The following TRAF2 variants were observed in gnomAD, a reference collection of about 807,000 sequenced individuals.
The protein encoded by TRAF2 is TNF receptor associated factor 2.
In TRAF2, 6 loss-of-function variants were observed where a neutral mutation model predicts 55.6. The ratio of observed to expected loss-of-function variants is 0.11; its 90% confidence interval spans 0.06 to 0.21. The LOEUF is 0.21. Among genes scored for constraint, TRAF2 ranks in the 10% least tolerant of loss-of-function variants. The pLI is 1.00. For missense variants in TRAF2, 561 were observed against 684.5 expected, an observed-to-expected ratio of 0.82 and a Z score of 2.01; for synonymous variants, 329 against 276.3, an observed-to-expected ratio of 1.19 and a Z score of -1.89.
At chr9:136,913,171 A>T (rs13301872) in intron 6 of TRAF2, among the ~76,000 whole-genome samples, 1 of 151,938 alleles carries the variant, frequency 6.6e-6, no homozygotes, top group Non-Finnish European at 1.5e-5. Flanking sequence ...AAAACCAGCA[A>T]CATGGCTTCT....
At chr9:136,882,588 C>T, upstream of TRAF2, 1 of 898,082 alleles carries the variant, frequency 1.1e-6, no homozygotes, top group Non-Finnish European at 1.3e-6. Flanking sequence ...GGGGCTTCTC[C>T]TGAGACTGCC....
chr9:136,903,774 C>T (rs1035139287), intron 4 of TRAF2, among the ~76,000 whole-genome samples: 2 of 152,070 alleles, frequency 1.3e-5, no homozygotes, highest in Non-Finnish European at 2.9e-5. Flanking sequence ...CTCCGCCTCC[C>T]GGGTTCACAC....
At chr9:136,902,368 G>A (rs1849841575) in intron 4 of TRAF2, 2 of 152,524 alleles carry the variant, frequency 1.3e-5, no homozygotes, top group African/African-American at 4.8e-5. Context: ...GCCACCCTTT[G>A]AGAGGACTGA....
Position 136,909,976 on chromosome 9 carries a change from G to C in TRAF2, c.585G>C (p.Lys195Asn). 1 of 1,614,058 alleles carries C rather than the reference G, an allele frequency of 6.2e-7. No homozygotes were observed. Among genetic ancestry groups the C allele is most frequent in the East Asian group, 2.2e-5 (1 of 44,880 alleles). ...TAACTTGTGACGGCTGCGGCAAGAA[G>C]AAGATCCCCCGGGAGAAGGTGAGTG... ...FPLTCDGCGKKKIPREKFQDH... is the reference protein window; with the variant it reads ...FPLTCDGCGKNKIPREKFQDH... Residue 195 changes from lysine (K) to asparagine (N), a missense_variant, in exon 6 of 11, where the codon AAG (lysine) becomes AAC (asparagine). By Grantham distance (94) the Lys-to-Asn change is moderately conservative. Around this residue, in one of 2 missense-constraint regions of TRAF2, gnomAD observed 426 missense variants for 476.8 expected, o/e 0.89. Coordinates refer to ENST00000247668, the MANE Select transcript of TRAF2 (RefSeq NM_021138.4).
At chr9:136,897,952 G>A (rs1277360873) in intron 1 of TRAF2, among the ~76,000 whole-genome samples, 2 of 139,432 alleles carry the variant, frequency 1.4e-5, no homozygotes, top group Non-Finnish European at 3.1e-5. Context: ...CTACGTTCCC[G>A]CTCTCGGGGC....
intron 1 of TRAF2, among the ~76,000 whole-genome samples, chr9:136,897,656 C>T (rs571184468): frequency 3.1e-5 from 4 of 128,984 alleles, no homozygotes; most frequent in South Asian, 2.6e-4. Flanking sequence ...GCTACGTTCC[C>T]GCTCTCGGGG....
At chr9:136,918,227 T>TTATATATATATATA (rs764701854) in intron 7 of TRAF2, among the ~76,000 whole-genome samples, 46 of 68,052 alleles carry the variant, frequency 6.8e-4, no homozygotes, top group African/African-American at 2.8e-3. Flanking sequence ...AGTGTTTTGT[T>TTATATATATATATA]TATATATATA....
intron 6 of TRAF2, among the ~76,000 whole-genome samples, chr9:136,913,265 G>A (rs1375654483): frequency 6.7e-6 from 1 of 149,516 alleles, no homozygotes; most frequent in Admixed American, 6.6e-5. Context: ...AAGATGTGGG[G>A]TCCACATACC....
intron 10 of TRAF2, among the ~76,000 whole-genome samples, chr9:136,924,276 C>T (rs952860491): frequency 5.9e-5 from 9 of 152,162 alleles, no homozygotes; most frequent in East Asian, 1.9e-4. Flanking sequence ...AGCACAAGGC[C>T]GAGTGGGCGG....
At chr9:136,918,254 T>TATATAC (rs1554781765) in intron 7 of TRAF2, among the ~76,000 whole-genome samples, 1 of 114,270 alleles carries the variant, frequency 8.8e-6, no homozygotes, top group East Asian at 2.2e-4. Flanking sequence ...TATATATATA[T>TATATAC]ATATTTATTT....
chr9:136,906,078 C>T (rs868140002), intron 4 of TRAF2, among the ~76,000 whole-genome samples: 16 of 152,204 alleles, frequency 1.1e-4, no homozygotes, highest in Middle Eastern at 3.4e-3. Context: ...CGCCACTGCA[C>T]GACAGAGCAA....
intron 1 of TRAF2, among the ~76,000 whole-genome samples, chr9:136,891,638 C>T (rs554048091): frequency 3.6e-4 from 54 of 151,944 alleles, no homozygotes; most frequent in Admixed American, 1.2e-3. Flanking sequence ...GGAGGAATGT[C>T]GATATGAAAA....
At chr9:136,924,920 G>C (rs1428776780) in intron 10 of TRAF2, among the ~76,000 whole-genome samples, 3 of 152,090 alleles carry the variant, frequency 2.0e-5, no homozygotes, top group Non-Finnish European at 4.4e-5. Flanking sequence ...TGTATTTTTA[G>C]TAGAGATGGG....
At chr9:136,921,441 T>C (rs1850382603) in intron 9 of TRAF2, among the ~76,000 whole-genome samples, 1 of 152,126 alleles carries the variant, frequency 6.6e-6, no homozygotes, top group Non-Finnish European at 1.5e-5. Context: ...TTGGGCCGGC[T>C]GCCCTCCTGC....
Position 136,920,235 on chromosome 9 carries a change from T to C in TRAF2, c.680T>C (p.Val227Ala). 6.2e-7 allele frequency: 1 copy of C among 1,606,036 alleles called. No individual in the cohort carries two copies. Among genetic ancestry groups the C allele is most frequent in the Non-Finnish European group, 8.5e-7 (1 of 1,176,090 alleles). ...AGCCTCCCTGCCCTGTGTCCGCAGG[T>C]AGAGGGTGAGAAACAGCAGGAGCAC... ...RFHAIGCLET[V>A]EGEKQQEHEV... is the part of the protein sequence containing the mutation. The change falls in exon 8 of 11, where the codon GTA becomes GCA. Residue 227 changes from valine to alanine, a missense_variant and splice_region_variant. By Grantham distance (64) the Val-to-Ala change is moderately conservative. Transcript: ENST00000247668.
intron 3 of TRAF2, among the ~76,000 whole-genome samples, chr9:136,899,963 C>A (rs550672011): frequency 1.3e-5 from 2 of 151,962 alleles, no homozygotes; most frequent in African/African-American, 4.8e-5. Context: ...GTAAGGAGTT[C>A]GAGACCAGCC....
intron 9 of TRAF2, among the ~76,000 whole-genome samples, chr9:136,923,202 G>A (rs1048218212): frequency 2.0e-5 from 3 of 152,178 alleles, no homozygotes; most frequent in Admixed American, 6.5e-5. Context: ...GCCCTGGGCC[G>A]GTCAGGGCTC....
Position 136,920,468 on chromosome 9 carries a change from C to G in TRAF2, c.913C>G (p.Arg305Gly). ...GGCCATGACTGCCGAGGCCTGCAGC[C>G]GGCAGCACCGGCTGGACCAAGACAA... ...RVAMTAEACS[R>G]QHRLDQDKIE... The change falls in exon 8 of 11, where the codon CGG becomes GGG. Residue 305 changes from arginine to glycine, a missense_variant. Arg to Gly is a moderately radical substitution (Grantham distance 125, BLOSUM62 -2). Transcript: ENST00000247668. The G allele has an allele frequency of 6.2e-7, 1 of 1,613,580 alleles. No homozygotes were observed. The highest frequency in any genetic ancestry group is 8.5e-7 in the Non-Finnish European group (1 of 1,179,932).
In TRAF2 at chr9:136,906,845, C is replaced by G. The variant is rs542409477; in HGVS notation, c.367-1225C>G. Among the ~76,000 whole-genome samples, 8 of 152,326 alleles carry G rather than the reference C, an allele frequency of 5.3e-5. No homozygotes were observed. In the South Asian group the frequency reaches 1.7e-3, roughly 32 times the overall value. The stretch of plus-strand genomic sequence containing the variant: ...AGACACATCCTGAATCCGGCCCTCT[C>G]TCCCGTTACACTAGCACCTTTGTAG... On this transcript the variant is annotated intron_variant, in intron 4 of 10. Coordinates refer to ENST00000247668, the MANE Select transcript of TRAF2 (RefSeq NM_021138.4).
Sources: allele counts gnomAD v4.1 joint callset (sites outside exome capture counted in the v4.1 genomes callset), GRCh38; gene constraint gnomAD v4.1.1; regional missense constraint gnomAD v4.1.1; transcripts MANE v1.5; gene names NCBI Gene and HGNC (gene_info 2026-07-23, HGNC 2026-07-21).